FAT4: variants seen among roughly 807,000 people sequenced by gnomAD.
FAT4 encodes FAT atypical cadherin 4.
A neutral mutation model predicts 303.9 loss-of-function variants in FAT4; 84 were observed. The ratio of observed to expected loss-of-function variants is 0.28; its 90% CI spans 0.23 to 0.33. FAT4 has a LOEUF of 0.33. FAT4 is among the 10% of genes least tolerant of loss of function. The pLI is 1.00. For synonymous variants in FAT4, 2,307 were observed against 2,298.8 expected (o/e 1.00, Z -0.10); for missense variants, 6,005 against 6,146.8 (o/e 0.98, Z 0.77).
intron 8 of FAT4, among the ~76,000 whole-genome samples, chr4:125,436,729 A>T (rs1207628922): frequency 6.6e-6 from 1 of 152,184 alleles, no homozygotes. Context: ...ACTCCCATTT[A>T]TAAAACCATC....
chr4:125,410,000 A>G (rs1734783152), intron 5 of FAT4, among the ~76,000 whole-genome samples: 1 of 151,890 alleles, frequency 6.6e-6, no homozygotes, highest in African/African-American at 2.4e-5. Flanking sequence ...ATCTCAGAAT[A>G]CTATTCTATT....
intron 10 of FAT4, among the ~76,000 whole-genome samples, chr4:125,457,433 A>G (rs1272288206): frequency 6.6e-6 from 1 of 152,160 alleles, no homozygotes; most frequent in Non-Finnish European, 1.5e-5. Context: ...GTCTGTAACC[A>G]TGCACATAAG....
intron 12 of FAT4, 131 bp from the exon 13 acceptor site, chr4:125,476,040 C>T (rs1312230800): frequency 6.6e-6 from 3 of 456,526 alleles, no homozygotes; most frequent in African/African-American, 6.0e-5. Flanking sequence ...GTGATTTATA[C>T]ATTAAATCAA....
intron 2 of FAT4, among the ~76,000 whole-genome samples, chr4:125,364,445 T>C (rs1732789185): frequency 6.6e-6 from 1 of 151,960 alleles, no homozygotes; most frequent in African/African-American, 2.4e-5. Flanking sequence ...CGTATTTTAA[T>C]AAATTATGAT....
chr4:125,438,489 A>G (rs1725535769), intron 8 of FAT4, among the ~76,000 whole-genome samples: 1 of 152,146 alleles, frequency 6.6e-6, no homozygotes. Context: ...TCTTCTTTTA[A>G]CATGAGAATT....
chr4:125,357,043 A>T (rs535351031), intron 2 of FAT4, among the ~76,000 whole-genome samples: 1 of 152,124 alleles, frequency 6.6e-6, no homozygotes, highest in South Asian at 2.1e-4. Flanking sequence ...ATGTGCTTTT[A>T]TACAAAGCAA....
chr4:125,457,140 CACACACACACACACA>C lies in FAT4; in HGVS notation c.11800+4331_11800+4345del, dbSNP rs1560621154. Among the ~76,000 whole-genome samples, 528 of 133,002 alleles carry C rather than the reference CACACACACACACACA, an allele frequency of 4.0e-3. 4 individuals are homozygous for C. Among genetic ancestry groups the C allele is most frequent in the African/African-American group, 0.013 (501 of 39,642 alleles). The allele number at this position is 133,002 out of a possible 152,430, so 87.3% of individuals were successfully genotyped here. On this transcript the variant is annotated intron_variant, in intron 10 of 17. Coordinates refer to ENST00000394329, the MANE Select transcript of FAT4 (RefSeq NM_001291303.3). ...TCTCTCATACACACACACACACACA[CACACACACACACACA>C]CCACTGAGTATTTTATGTGGATTTA...
At position 125,452,155 on chromosome 4, in the gene FAT4, C is replaced by G; in HGVS notation, c.11145C>G (p.Ile3715Met). 1 of 1,614,228 alleles carries G rather than the reference C, an allele frequency of 6.2e-7. No individual in the cohort carries two copies. The highest frequency in any genetic ancestry group is 8.5e-7 in the Non-Finnish European group (1 of 1,180,042). The change falls in exon 10 of 18, where the codon ATC becomes ATG. Residue 3715 changes from isoleucine to methionine, a missense_variant. Coordinates refer to ENST00000394329, the MANE Select transcript of FAT4 (RefSeq NM_001291303.3). ...GFSNATVDNSILLRLGVPTVK... is the reference protein window; with the variant it reads ...GFSNATVDNSMLLRLGVPTVK... ...CCAATGCCACAGTGGATAACAGCAT[C>G]TTACTTCGTCTCGGCGTACCAACAG...
At position 125,414,985 on chromosome 4, in the gene FAT4, C is replaced by A; in HGVS notation, c.6022C>A (p.Arg2008=). The change falls in exon 6 of 18, where the codon CGG becomes AGG. Residue 2008 remains arginine, a synonymous_variant. Transcript: ENST00000394329. Reference sequence around the variant, plus strand: ...ACTCAAAGTCCTAAAAGCTTTGGATCGGGAAAGTCAGTCCTTCTACAACTT... The same window carrying A: ...ACTCAAAGTCCTAAAAGCTTTGGATAGGGAAAGTCAGTCCTTCTACAACTT... ...GVLKVLKALD[R]ESQSFYNLVV... The A allele has an allele frequency of 6.2e-7, 1 of 1,613,896 alleles. No homozygotes were observed. Among genetic ancestry groups the A allele is most frequent in the Non-Finnish European group, 8.5e-7 (1 of 1,179,880 alleles).
At chr4:125,377,823 AT>A (rs1351200631) in intron 2 of FAT4, among the ~76,000 whole-genome samples, 1 of 152,262 alleles carries the variant, frequency 6.6e-6, no homozygotes, top group East Asian at 1.9e-4. Flanking sequence ...CTAATAAAAA[AT>A]AAGTTAGATG....
At position 125,415,311 on chromosome 4, in the gene FAT4, A is replaced by T; in HGVS notation, c.6348A>T (p.Glu2116Asp). The T allele has an allele frequency of 1.2e-6, 2 of 1,614,076 alleles. No homozygotes were observed. Among genetic ancestry groups the T allele is most frequent in the Non-Finnish European group, 1.7e-6 (2 of 1,179,982 alleles). ...VRLTGELDRE[E>D]VSNYTLTVVA... ...TCACTGGAGAACTGGACAGAGAAGA[A>T]GTTTCTAATTATACTCTAACAGTGG... The change falls in exon 6 of 18, where the codon GAA (glutamate) becomes GAT (aspartate). Residue 2116 changes from glutamate (E) to aspartate (D), a missense_variant. Physicochemically the swap from Glu to Asp is conservative, Grantham distance 45. Coordinates refer to ENST00000394329, the MANE Select transcript of FAT4 (RefSeq NM_001291303.3).
rs897945763 is a variant in FAT4, at chr4:125,380,493, G to A, written c.5176-18291G>A. On this transcript the variant is annotated intron_variant, in intron 2 of 17. Coordinates refer to ENST00000394329, the MANE Select transcript of FAT4 (RefSeq NM_001291303.3). ...TGTAATCCATACAATATTAAAAACC[G>A]TCAATAAAAACATGTTGAAAGTCCT... 3.3e-5 allele frequency among the ~76,000 whole-genome samples: 5 copies of A among 152,192 alleles called. No homozygotes were observed. The East Asian group carries it at 5.8e-4, about 18-fold the overall frequency.
chr4:125,322,682 G>A (rs1372664313), intron 2 of FAT4, among the ~76,000 whole-genome samples: 2 of 151,478 alleles, frequency 1.3e-5, no homozygotes, highest in African/African-American at 2.4e-5. Context: ...TTTCTTTTTT[G>A]GGGGGAGGAG....
At chr4:125,373,896 G>A (rs189318792) in intron 2 of FAT4, among the ~76,000 whole-genome samples, 1 of 151,616 alleles carries the variant, frequency 6.6e-6, no homozygotes, top group Non-Finnish European at 1.5e-5. Flanking sequence ...ACATCTAGAT[G>A]AAGAAAATAT....
intron 2 of FAT4, among the ~76,000 whole-genome samples, chr4:125,356,458 A>C (rs1365921910): frequency 6.6e-6 from 1 of 151,864 alleles, no homozygotes; most frequent in Admixed American, 6.6e-5. Flanking sequence ...GACTAGCTAA[A>C]GAAATATAAA....
intron 7 of FAT4, among the ~76,000 whole-genome samples, chr4:125,418,868 G>C (rs1735172169): frequency 7.0e-6 from 1 of 142,606 alleles, no homozygotes; most frequent in Admixed American, 7.4e-5. Flanking sequence ...TTTCTTACAA[G>C]AGTTTGCCTT....
intron 8 of FAT4, among the ~76,000 whole-genome samples, chr4:125,436,243 C>T (rs1054675301): frequency 1.3e-5 from 2 of 151,096 alleles, no homozygotes; most frequent in Admixed American, 1.3e-4. Flanking sequence ...AGAGAGAAAT[C>T]AGAATCATCT....
chr4:125,408,793 T>C lies in FAT4; in HGVS notation c.5919T>C (p.Asp1973=), dbSNP rs1237479942. 2 of 1,401,138 alleles carry C rather than the reference T, an allele frequency of 1.4e-6. No individual in the cohort carries two copies. Among genetic ancestry groups the C allele is most frequent in the Non-Finnish European group, 9.6e-7 (1 of 1,039,880 alleles). The allele number at this position is 1,401,138 out of a possible 1,614,324, so 86.8% of individuals were successfully genotyped here. Residue 1973 remains aspartate, a splice_region_variant and synonymous_variant, in exon 5 of 18, where the codon GAT becomes GAC. Transcript: ENST00000394329. ...VLVFNVTDAD[D]GINSQLTYSI... ...TGTTTAATGTTACTGATGCAGATGATGGTATGTATTTTATTTAATATAATT... is the reference window on the plus strand; with the variant it reads ...TGTTTAATGTTACTGATGCAGATGACGGTATGTATTTTATTTAATATAATT...
At chr4:125,394,149 G>T in intron 2 of FAT4, 1 of 509,282 alleles carries the variant, frequency 2.0e-6, no homozygotes, top group Non-Finnish European at 3.5e-6. Context: ...TATCTTAACG[G>T]GATCATGAAT....
Sources: allele counts gnomAD v4.1 joint callset (sites outside exome capture counted in the v4.1 genomes callset), GRCh38; gene constraint gnomAD v4.1.1; transcripts MANE v1.5; gene names NCBI Gene and HGNC (gene_info 2026-07-23, HGNC 2026-07-21).